The following GABPB2 variants were observed in gnomAD, a reference collection of about 807,000 sequenced individuals.
GABPB2 encodes the protein GA binding protein transcription factor subunit beta 2, also known as GA-binding protein subunit beta-2.
Under a neutral mutation model 39.1 loss-of-function variants are expected in GABPB2, and 23 were observed. The ratio of observed to expected loss-of-function variants is 0.59; its 90% CI spans 0.42 to 0.83. The LOEUF is 0.83. Among genes scored for constraint, GABPB2 ranks in the 40% least tolerant of loss-of-function variants. The pLI is 0.00. For synonymous variants in GABPB2, 184 were observed against 199.3 expected (o/e 0.92, Z 0.65); for missense variants, 467 against 541.1 (o/e 0.86, Z 1.36).
Position 151,118,066 on chromosome 1 carries a change from G to T in GABPB2, c.1157G>T (p.Arg386Leu). Residue 386 changes from arginine to leucine, a missense_variant, in exon 9 of 9, where the codon CGT (arginine) becomes CTT (leucine). Physicochemically the swap from Arg to Leu is moderately radical, Grantham distance 102. Transcript: ENST00000368918. The stretch of plus-strand genomic sequence containing the variant: ...AAAGAGCAGGAAGCAGAACAGTACC[G>T]TCTTAAGCTGGAGGCCATAGCCCGA... The part of the protein sequence containing the change: ...LKKEQEAEQY[R>L]LKLEAIARQQ... 6.2e-7 allele frequency: 1 copy of T among 1,614,136 alleles called. No homozygotes were observed. The highest frequency in any genetic ancestry group is 8.5e-7 in the Non-Finnish European group (1 of 1,180,032).
intron 8 of GABPB2, 141 bp downstream of exon 8, chr1:151,117,657 C>T: frequency 1.7e-5 from 15 of 900,066 alleles, no homozygotes; most frequent in Non-Finnish European, 2.5e-5. Flanking sequence ...GATCTCAGCT[C>T]ACTGCAACCT....
chr1:151,080,540 T>TA (rs969655334), intron 1 of GABPB2, among the ~76,000 whole-genome samples: 40 of 148,088 alleles, frequency 2.7e-4, no homozygotes, highest in Non-Finnish European at 4.9e-4. Flanking sequence ...AATAAATAAA[T>TA]AAATAAATAA....
intron 1 of GABPB2, among the ~76,000 whole-genome samples, chr1:151,081,916 C>A (rs187408548): frequency 6.6e-6 from 1 of 151,964 alleles, no homozygotes; most frequent in Admixed American, 6.6e-5. Context: ...GGTTTACAGG[C>A]GTGAGCCACC....
At chr1:151,109,364 ATT>A (rs56324886) in intron 7 of GABPB2, among the ~76,000 whole-genome samples, 4 of 112,374 alleles carry the variant, frequency 3.6e-5, no homozygotes, top group African/African-American at 1.3e-4. Context: ...ATATATATAT[ATT>A]TTTTTTTTTG....
At position 151,074,243 on chromosome 1, in the gene GABPB2, A is replaced by G. The variant is rs138214691; in HGVS notation, c.-1+3309A>G. Reference sequence around the variant, plus strand: ...TCCCGCCTCAGCCTCCCAAAGTGCTAGGATTACAGGCGTGAGCCACCGCGC... The same window carrying G: ...TCCCGCCTCAGCCTCCCAAAGTGCTGGGATTACAGGCGTGAGCCACCGCGC... On this transcript the variant is annotated intron_variant, in intron 1 of 8. Coordinates refer to ENST00000368918, the MANE Select transcript of GABPB2 (RefSeq NM_144618.3). Among the ~76,000 whole-genome samples the G allele has an allele frequency of 2.2e-3, 319 of 143,096 alleles. 2 individuals carry two copies. The highest frequency in any genetic ancestry group is 3.7e-3 in the Admixed American group (54 of 14,424). 93.9% of individuals were successfully genotyped at this position (143,096 alleles called of 152,430 possible). A position where few individuals can be genotyped will look rare whatever the true frequency, so the allele number is the denominator to read the frequency against.
chr1:151,112,447 T>C (rs1036863535), intron 7 of GABPB2: 10 of 151,736 alleles, frequency 6.6e-5, no homozygotes, highest in Admixed American at 5.9e-4. Context: ...ATTCAAGCGA[T>C]TCTCCTGCCT....
At chr1:151,084,372 G>A (rs587717889) in intron 1 of GABPB2, among the ~76,000 whole-genome samples, 2 of 151,272 alleles carry the variant, frequency 1.3e-5, no homozygotes, top group Admixed American at 6.6e-5. Flanking sequence ...ACAGGCATGC[G>A]CCACCATGCC....
rs1041616370 is a variant in GABPB2 at position 151,074,974 on chromosome 1, C to T, written c.-1+4040C>T. ...TGGCCAACATGGTGAAACCCTGTCT[C>T]TACTAAAAATACAAAAATAAGCCAG... On this transcript the variant is annotated intron_variant, in intron 1 of 8. Transcript: ENST00000368918. Among the ~76,000 whole-genome samples, 2 of 151,822 alleles carry T rather than the reference C, an allele frequency of 1.3e-5. 1 individual carries two copies. The highest frequency in any genetic ancestry group is 4.8e-5 in the African/African-American group (2 of 41,312).
At chr1:151,080,230 A>AC (rs1677545527) in intron 1 of GABPB2, among the ~76,000 whole-genome samples, 2 of 143,250 alleles carry the variant, frequency 1.4e-5, no homozygotes, top group Non-Finnish European at 3.0e-5. Context: ...AAAAAAAAAA[A>AC]AAAAAAAAAA....
At chr1:151,080,041 C>A (rs1677520159) in intron 1 of GABPB2, among the ~76,000 whole-genome samples, 1 of 151,488 alleles carries the variant, frequency 6.6e-6, no homozygotes. Flanking sequence ...GTGGTGAAAC[C>A]CCATCTCTAC....
At chr1:151,085,449 A>T (rs1216167504) in intron 1 of GABPB2, among the ~76,000 whole-genome samples, 4 of 151,064 alleles carry the variant, frequency 2.6e-5, no homozygotes, top group Admixed American at 6.6e-5. Context: ...TATTTATTTT[A>T]TTTTTTTTTG....
At chr1:151,089,286 A>G (rs1266626083) in intron 2 of GABPB2, among the ~76,000 whole-genome samples, 9 of 152,230 alleles carry the variant, frequency 5.9e-5, no homozygotes, top group South Asian at 4.1e-4. Flanking sequence ...TAGCATTTCT[A>G]TAAATAGACC....
At position 151,093,404 on chromosome 1, in the gene GABPB2, C is replaced by G. The variant is rs781031819; in HGVS notation, c.471+18C>G. On this transcript the variant is annotated intron_variant, in intron 4 of 8. Transcript: ENST00000368918. ...TCCTCCAGGTGTGGTTCTTTTTATA[C>G]TCTCCAGAATGTATGTTAATTGAAG... 3.2e-6 allele frequency: 5 copies of G among 1,552,594 alleles called. No homozygotes were observed. The highest frequency in any genetic ancestry group is 4.4e-6 in the Non-Finnish European group (5 of 1,148,328).
Position 151,093,297 on chromosome 1 carries a change from G to A in GABPB2, c.382G>A (p.Ala128Thr), listed in dbSNP as rs1394583785. The change falls in exon 4 of 9, where the codon GCT becomes ACT. Residue 128 changes from alanine (A) to threonine (T), a missense_variant. Coordinates refer to ENST00000368918, the MANE Select transcript of GABPB2 (RefSeq NM_144618.3). ...CGTAGAGTTACTTATCAAATATGGA[G>A]CTGATGTCCATGCTTTCAGCAAATT... The part of the protein sequence containing the change: ...DVVELLIKYG[A>T]DVHAFSKFDK... The A allele has an allele frequency of 6.2e-7, 1 of 1,612,750 alleles. No individual in the cohort carries two copies. Among genetic ancestry groups the A allele is most frequent in the East Asian group, 2.2e-5 (1 of 44,778 alleles).
intron 7 of GABPB2, 65 bp from the exon 8 acceptor site, chr1:151,117,326 AG>A: frequency 6.5e-7 from 1 of 1,536,288 alleles, no homozygotes. Flanking sequence ...TCTAATTAAA[AG>A]CAAGCAAAAC....
At chr1:151,115,576 T>C (rs139991498) in intron 7 of GABPB2, among the ~76,000 whole-genome samples, 4,801 of 151,598 alleles carry the variant, frequency 0.032, 256 homozygotes, top group African/African-American at 0.11. Context: ...GATTTTTGTA[T>C]TTTTTGTAGA....
At chr1:151,076,413 T>G (rs1352604157) in intron 1 of GABPB2, among the ~76,000 whole-genome samples, 1 of 152,110 alleles carries the variant, frequency 6.6e-6, no homozygotes, top group African/African-American at 2.4e-5. Flanking sequence ...TAAAAACAAC[T>G]GATGAGACTA....
chr1:151,100,564 AGCC>A (rs1262707026), intron 5 of GABPB2, among the ~76,000 whole-genome samples: 1 of 130,182 alleles, frequency 7.7e-6, no homozygotes, highest in Non-Finnish European at 1.6e-5. Flanking sequence ...TACAAGTGTG[AGCC>A]ACTGTGCCTG....
rs752447229 is a variant in GABPB2, at chr1:151,121,217, G to A, written c.*2961G>A. The A allele has an allele frequency of 2.6e-5, 4 of 152,260 alleles. No homozygotes were observed. Among genetic ancestry groups the A allele is most frequent in the African/African-American group, 9.6e-5 (4 of 41,546 alleles). The allele number at this position is 152,260 out of a possible 1,614,324, so 9.4% of individuals were successfully genotyped here. On this transcript the variant is annotated 3_prime_UTR_variant, in exon 9 of 9. Transcript: ENST00000368918. ...GTTTAGTTTTATTTCCTTTTGATCT[G>A]GCATGAGTAAATTGCTCTGTTTCCT...
Sources: allele counts gnomAD v4.1 joint callset (sites outside exome capture counted in the v4.1 genomes callset), GRCh38; gene constraint gnomAD v4.1.1; transcripts MANE v1.5; gene names NCBI Gene and HGNC (gene_info 2026-07-23, HGNC 2026-07-21).